Variants in KCTD3 observed in about 807,000 individuals in gnomAD.
KCTD3 encodes BTB/POZ domain-containing protein KCTD3.
Under a neutral mutation model 85.8 loss-of-function variants are expected in KCTD3, and 41 were observed. The observed-to-expected ratio is 0.48, with a 90% CI of 0.37 to 0.62. The LOEUF (loss-of-function observed/expected upper bound fraction) is 0.62. Ranked by LOEUF, KCTD3 falls within the 20% of genes least tolerant of loss-of-function variation. The pLI, the probability that KCTD3 is intolerant of heterozygous loss-of-function variation, is 0.00. For synonymous variants in KCTD3, 338 were observed against 345.4 expected (o/e 0.98, Z 0.24); for missense variants, 724 against 989.9 (o/e 0.73, Z 3.60).
intron 9 of KCTD3, among the ~76,000 whole-genome samples, chr1:215,588,244 A>G (rs1014308747): frequency 1.3e-5 from 2 of 152,072 alleles, no homozygotes; most frequent in African/African-American, 2.4e-5. Flanking sequence ...GCATTTGTGA[A>G]GGTGCTTTTC....
At chr1:215,594,567 C>G (rs1011197065) in intron 9 of KCTD3, among the ~76,000 whole-genome samples, 1 of 152,142 alleles carries the variant, frequency 6.6e-6, no homozygotes, top group Non-Finnish European at 1.5e-5. Flanking sequence ...ATTTTCAACC[C>G]CCTTTCCATA....
rs1190988410 is a variant in KCTD3, at chr1:215,567,556, C to A, written c.-130C>A. 5.3e-6 allele frequency: 2 copies of A among 380,742 alleles called. No individual in the cohort carries two copies. Among genetic ancestry groups the A allele is most frequent in the Non-Finnish European group, 8.6e-6 (2 of 233,136 alleles). 23.6% of individuals were successfully genotyped at this position (380,742 alleles called of 1,614,324 possible). On this transcript the variant is annotated 5_prime_UTR_variant, in exon 1 of 18. Transcript: ENST00000259154. ...CCGGGAAGGTGGGGGAAGCCCCGTG[C>A]ACCCCCCGCCCTCCGGCCGCCGCCG...
At chr1:215,571,502 T>A (rs1428161389) in intron 1 of KCTD3, among the ~76,000 whole-genome samples, 2 of 152,246 alleles carry the variant, frequency 1.3e-5, no homozygotes, top group Non-Finnish European at 2.9e-5. Context: ...AAGTACCCCT[T>A]ACTGTAGTTT....
intron 1 of KCTD3, 87 bp downstream of exon 1, chr1:215,567,855 G>C: frequency 2.1e-6 from 2 of 945,512 alleles, no homozygotes; most frequent in East Asian, 3.3e-5. Context: ...TCGCAGGAAC[G>C]AGGGCGAGCG....
chr1:215,585,950 A>T (rs1323701629), intron 8 of KCTD3, among the ~76,000 whole-genome samples: 1 of 152,184 alleles, frequency 6.6e-6, no homozygotes, highest in Non-Finnish European at 1.5e-5. Flanking sequence ...ATTGGAATGC[A>T]TGTGATACAC....
intron 3 of KCTD3, among the ~76,000 whole-genome samples, chr1:215,575,067 C>T (rs1445505885): frequency 6.6e-6 from 1 of 152,140 alleles, no homozygotes; most frequent in East Asian, 1.9e-4. Flanking sequence ...GCATGGCCAA[C>T]ATGGTGAAAC....
intron 14 of KCTD3, 128 bp downstream of exon 14, chr1:215,608,300 CAG>C (rs778357951): frequency 1.7e-6 from 1 of 577,664 alleles, no homozygotes; most frequent in Non-Finnish European, 2.8e-6. Context: ...AAATTCTAAA[CAG>C]AATTTTAGTG....
At chr1:215,575,767 ATTAAAGT>A in intron 3 of KCTD3, 127 bp from the exon 4 acceptor site, 1 of 562,596 alleles carries the variant, frequency 1.8e-6, no homozygotes, top group Non-Finnish European at 3.1e-6. Context: ...TTTTAGAAAC[ATTAAAGT>A]TTAAGAGTGG....
intron 1 of KCTD3, among the ~76,000 whole-genome samples, chr1:215,568,877 A>T (rs1659256318): frequency 6.6e-6 from 1 of 152,116 alleles, no homozygotes; most frequent in Admixed American, 6.6e-5. Context: ...AACTTAGATA[A>T]TTTACAACGT....
intron 13 of KCTD3, among the ~76,000 whole-genome samples, chr1:215,604,551 G>C (rs1654941980): frequency 6.6e-6 from 1 of 151,892 alleles, no homozygotes; most frequent in African/African-American, 2.4e-5. Flanking sequence ...TTGAAGACTA[G>C]CCTGGGCAAC....
chr1:215,573,761 A>G (rs775363636), intron 1 of KCTD3, 25 bp from the exon 2 acceptor site: 1 of 1,410,744 alleles, frequency 7.1e-7, no homozygotes, highest in Non-Finnish European at 9.9e-7. Context: ...TCTCACTTAT[A>G]ATACCAGATG....
intron 9 of KCTD3, among the ~76,000 whole-genome samples, chr1:215,594,730 G>C (rs1341927961): frequency 6.6e-6 from 1 of 152,250 alleles, no homozygotes; most frequent in South Asian, 2.1e-4. Flanking sequence ...GCCTGATATA[G>C]TGTCTTTTGA....
At chr1:215,568,488 C>CA (rs1659234863) in intron 1 of KCTD3, among the ~76,000 whole-genome samples, 1 of 23,236 alleles carries the variant, frequency 4.3e-5, no homozygotes, top group Non-Finnish European at 2.0e-4. Flanking sequence ...GCCTTCCGCC[C>CA]CCCCCCCCCC....
At chr1:215,591,882 A>T (rs1660241029) in intron 9 of KCTD3, among the ~76,000 whole-genome samples, 1 of 152,228 alleles carries the variant, frequency 6.6e-6, no homozygotes, top group Admixed American at 6.5e-5. Flanking sequence ...GCTGATAAAG[A>T]CATACTCAAA....
At chr1:215,573,878 T>G (rs1171034673) in intron 2 of KCTD3, 39 bp downstream of exon 2, 5 of 1,238,548 alleles carry the variant, frequency 4.0e-6, no homozygotes, top group South Asian at 1.4e-5. Flanking sequence ...TTTAATACAT[T>G]TATTTACCAA....
In KCTD3 at chr1:215,610,873, A is replaced by G. The variant is rs370474264; in HGVS notation, c.1466-952A>G. Among the ~76,000 whole-genome samples, 35 of 152,102 alleles carry G rather than the reference A, an allele frequency of 2.3e-4. No individual in the cohort carries two copies. In the South Asian group the frequency reaches 7.2e-3, roughly 32 times the overall value. ...ATTTGGAAAGCATTTACGGTGGCAC[A>G]TAGTAAGTACAGTGTAAGTATTAGC... On this transcript the variant is annotated intron_variant, in intron 14 of 17. Transcript: ENST00000259154.
At chr1:215,569,481 G>C (rs1341290577) in intron 1 of KCTD3, among the ~76,000 whole-genome samples, 2 of 151,952 alleles carry the variant, frequency 1.3e-5, no homozygotes, top group Non-Finnish European at 2.9e-5. Context: ...TAAAAATTAA[G>C]CAGTATTGTT....
At chr1:215,575,252 AAAAC>A (rs1213834786) in intron 3 of KCTD3, among the ~76,000 whole-genome samples, 15 of 152,290 alleles carry the variant, frequency 9.8e-5, no homozygotes, top group East Asian at 3.9e-4. Context: ...ATGCTGTCTC[AAAAC>A]AAACAAACAA....
At chr1:215,592,083 T>C (rs1660247227) in intron 9 of KCTD3, among the ~76,000 whole-genome samples, 3 of 152,118 alleles carry the variant, frequency 2.0e-5, no homozygotes, top group Admixed American at 1.3e-4. Flanking sequence ...CCATTCCCTA[T>C]CACAAGAACG....
Sources: gnomAD v4.1 joint callset for allele counts (sites outside exome capture counted in the v4.1 genomes callset) on GRCh38, gnomAD v4.1.1 for gene constraint, MANE v1.5 for transcripts, NCBI Gene and HGNC (gene_info 2026-07-23, HGNC 2026-07-21) for gene names.